DLGAP2: variants seen among roughly 807,000 people sequenced by gnomAD.
The protein encoded by DLGAP2 is disks large-associated protein 2.
DLGAP2 carries 26 observed loss-of-function variants against 100.3 expected under a neutral mutation model. The observed-to-expected ratio is 0.26, with a 90% CI of 0.19 to 0.36. The LOEUF is 0.36. Among genes scored for constraint, DLGAP2 ranks in the 10% least tolerant of loss-of-function variants. The probability of loss-of-function intolerance (pLI) is 1.00; values close to 1 mark genes in which losing one functional copy is unlikely to be tolerated. For missense variants in DLGAP2, 1,858 were observed against 1,453.2 expected (o/e 1.28, Z -4.53); for synonymous variants, 886 against 630.1 (o/e 1.41, Z -6.08).
intron 2 of DLGAP2, among the ~76,000 whole-genome samples, chr8:1,209,125 A>T (rs1746151149): frequency 6.6e-6 from 1 of 152,148 alleles, no homozygotes; most frequent in Non-Finnish European, 1.5e-5. Context: ...TACCATCATC[A>T]TTCTTCACAG....
intron 2 of DLGAP2, among the ~76,000 whole-genome samples, chr8:1,134,401 A>C (rs12677941): frequency 0.093 from 14,208 of 152,222 alleles, 862 homozygotes; most frequent in East Asian, 0.22. Context: ...TCTTTGAGGC[A>C]TCACCACTCT....
chr8:1,222,523 C>G (rs897464649), intron 2 of DLGAP2, among the ~76,000 whole-genome samples: 1 of 152,040 alleles, frequency 6.6e-6, no homozygotes, highest in Non-Finnish European at 1.5e-5. Flanking sequence ...CCAAAGTGCT[C>G]TTGCAGAGTG....
chr8:1,416,279 T>G (rs1396663926), intron 3 of DLGAP2, among the ~76,000 whole-genome samples: 1 of 152,156 alleles, frequency 6.6e-6, no homozygotes, highest in Non-Finnish European at 1.5e-5. Flanking sequence ...CGGGGGATTG[T>G]AGGTTCCCGT....
intron 12 of DLGAP2, among the ~76,000 whole-genome samples, chr8:1,689,516 T>C (rs1375789862): frequency 6.6e-6 from 1 of 152,238 alleles, no homozygotes; most frequent in Non-Finnish European, 1.5e-5. Flanking sequence ...GAGAGTCAGC[T>C]TCCCATGGCT....
intron 2 of DLGAP2, among the ~76,000 whole-genome samples, chr8:1,200,428 A>G (rs928565054): frequency 1.6e-4 from 24 of 152,182 alleles, no homozygotes; most frequent in African/African-American, 5.3e-4. Context: ...TTCTGAAATG[A>G]TTCATGGTGT....
chr8:1,055,831 G>T (rs1011887766), intron 2 of DLGAP2, among the ~76,000 whole-genome samples: 1 of 152,218 alleles, frequency 6.6e-6, no homozygotes, highest in Non-Finnish European at 1.5e-5. Flanking sequence ...ATTTGGGCTT[G>T]AATCCTGATT....
intron 1 of DLGAP2, among the ~76,000 whole-genome samples, chr8:811,943 C>G (rs981801447): frequency 6.6e-6 from 1 of 152,244 alleles, no homozygotes; most frequent in Non-Finnish European, 1.5e-5. Context: ...TTGGCTTTTC[C>G]TTGACTCTCC....
intron 2 of DLGAP2, among the ~76,000 whole-genome samples, chr8:1,231,690 G>T (rs1014240565): frequency 1.6e-4 from 25 of 152,184 alleles, no homozygotes; most frequent in African/African-American, 6.0e-4. Flanking sequence ...CAATGTGGAT[G>T]CAGAAGGTCA....
At chr8:1,366,291 A>G (rs572172490) in intron 3 of DLGAP2, among the ~76,000 whole-genome samples, 57 of 152,356 alleles carry the variant, frequency 3.7e-4, no homozygotes, top group Admixed American at 7.2e-4. Context: ...GCCAGTGCTA[A>G]GGACTGGAGA....
In DLGAP2 at chr8:812,108, G is replaced by A. The variant is rs765285387; in HGVS notation, c.18+74283G>A. 4.5e-4 allele frequency among the ~76,000 whole-genome samples: 69 copies of A among 152,234 alleles called. 5 individuals are homozygous for A. The highest frequency in any genetic ancestry group is 7.3e-5 in the Non-Finnish European group (5 of 68,052). On this transcript the variant is annotated intron_variant, in intron 1 of 14. Transcript: ENST00000637795. ...CTCCTCCATCTCTGCAAGAGGGAGG[G>A]AAGGAGAGAGAGATTTAATGCGAGG...
intron 2 of DLGAP2, among the ~76,000 whole-genome samples, chr8:1,191,392 G>A (rs576064639): frequency 1.4e-3 from 219 of 152,196 alleles, no homozygotes; most frequent in Non-Finnish European, 2.3e-3. Flanking sequence ...GGATGGTCTT[G>A]ATCTCCTGAC....
chr8:950,652 C>G (rs1319118119), intron 2 of DLGAP2, among the ~76,000 whole-genome samples: 1 of 138,224 alleles, frequency 7.2e-6, no homozygotes, highest in Non-Finnish European at 1.5e-5. Flanking sequence ...GATGGAGTCT[C>G]GCTCTGTCAC....
Position 1,538,434 on chromosome 8 carries a change from G to A in DLGAP2, c.173-10192G>A, listed in dbSNP as rs1042994414. 3.9e-5 allele frequency among the ~76,000 whole-genome samples: 6 copies of A among 152,320 alleles called. 1 individual carries two copies. The highest frequency in any genetic ancestry group is 2.6e-4 in the Admixed American group (4 of 15,304). ...GAGCACCTAAGCAGAATTGAATGGAGAGGAAATGAAGAACATATTAACTTC... is the reference window on the plus strand; with the variant it reads ...GAGCACCTAAGCAGAATTGAATGGAAAGGAAATGAAGAACATATTAACTTC... On this transcript the variant is annotated intron_variant, in intron 4 of 14. Coordinates refer to ENST00000637795, the MANE Select transcript of DLGAP2 (RefSeq NM_001346810.2).
intron 2 of DLGAP2, among the ~76,000 whole-genome samples, chr8:986,314 ACTTTT>A (rs1285519718): frequency 1.3e-5 from 2 of 151,884 alleles, no homozygotes; most frequent in East Asian, 3.9e-4. Context: ...TGTGAATTAA[ACTTTT>A]CTTTTTTTAA....
intron 3 of DLGAP2, among the ~76,000 whole-genome samples, chr8:1,436,082 G>C (rs899886730): frequency 1.3e-5 from 2 of 152,134 alleles, no homozygotes; most frequent in African/African-American, 4.8e-5. Flanking sequence ...GGACTAATAG[G>C]ATAGGTGTAT....
intron 4 of DLGAP2, among the ~76,000 whole-genome samples, chr8:1,532,901 G>A (rs1213511953): frequency 2.6e-5 from 4 of 152,112 alleles, no homozygotes; most frequent in South Asian, 2.1e-4. Context: ...CCTCATGAGC[G>A]TGGCTGCCTT....
intron 2 of DLGAP2, among the ~76,000 whole-genome samples, chr8:1,100,696 G>T (rs1343621506): frequency 6.6e-6 from 1 of 152,188 alleles, no homozygotes; most frequent in South Asian, 2.1e-4. Flanking sequence ...AACTTGGCGC[G>T]CCTGTTGCAT....
chr8:1,150,220 G>A (rs1000697888), intron 2 of DLGAP2, among the ~76,000 whole-genome samples: 1 of 152,130 alleles, frequency 6.6e-6, no homozygotes, highest in Non-Finnish European at 1.5e-5. Context: ...TTCGGCTTTT[G>A]ATGAAAAAGA....
At chr8:927,183 G>C in intron 2 of DLGAP2, 2 of 985,408 alleles carry the variant, frequency 2.0e-6, no homozygotes, top group Non-Finnish European at 2.4e-6. Flanking sequence ...GGAGTGTTCA[G>C]GAAAACTCCT....
Sources: gnomAD v4.1 joint callset for allele counts (sites outside exome capture counted in the v4.1 genomes callset) on GRCh38, gnomAD v4.1.1 for gene constraint, MANE v1.5 for transcripts, NCBI Gene and HGNC (gene_info 2026-07-23, HGNC 2026-07-21) for gene names.